Variants in CEP112 observed in about 807,000 individuals in gnomAD.
CEP112 encodes centrosomal protein of 112 kDa.
A neutral mutation model predicts 153.0 loss-of-function variants in CEP112; 127 were observed. That is an observed-to-expected ratio of 0.83 (90% CI 0.72 to 0.96). The LOEUF is 0.96. Ranked by LOEUF, CEP112 falls within the 40% of genes least tolerant of loss-of-function variation. The pLI is 0.00. For missense variants in CEP112, 1,089 were observed against 1,101.2 expected (o/e 0.99, Z 0.16); for synonymous variants, 358 against 374.4 (o/e 0.96, Z 0.51).
chr17:65,989,234 CAAA>C (rs749855250), intron 17 of CEP112, among the ~76,000 whole-genome samples: 3 of 40,794 alleles, frequency 7.4e-5, no homozygotes, highest in Non-Finnish European at 1.5e-4. Context: ...GACTCCATCT[CAAA>C]AAAAAAAAAA....
chr17:65,866,911 C>G (rs139554684), intron 20 of CEP112, among the ~76,000 whole-genome samples: 8 of 152,282 alleles, frequency 5.3e-5, no homozygotes, highest in African/African-American at 1.7e-4. Flanking sequence ...CTCATTCTTC[C>G]TGGACACAGG....
intron 20 of CEP112, chr17:65,873,664 G>A (rs2058735650): frequency 1.3e-5 from 2 of 152,190 alleles, no homozygotes; most frequent in Non-Finnish European, 1.5e-5. Context: ...AGAAATGCAT[G>A]TTGCCATGGA....
intron 11 of CEP112, among the ~76,000 whole-genome samples, chr17:66,057,449 A>C (rs549329402): frequency 1.3e-5 from 2 of 152,234 alleles, no homozygotes; most frequent in South Asian, 4.1e-4. Flanking sequence ...GGAAAAAGGA[A>C]ATACCCATTT....
At position 66,096,582 on chromosome 17, in the gene CEP112, T is replaced by G. The variant is rs572791561; in HGVS notation, c.690+3A>C. ...GAAAAAGTCCAATGGATTTCTCACA[T>G]ACCAGAGAAACTGGGATAGGCTTCT... On this transcript the variant is annotated splice_donor_region_variant and intron_variant, in intron 7 of 26. Transcript: ENST00000535342. The G allele has an allele frequency of 6.3e-7, 1 of 1,585,948 alleles. No homozygotes were observed. Among genetic ancestry groups the G allele is most frequent in the East Asian group, 2.2e-5 (1 of 44,640 alleles).
chr17:66,185,143 ACTAT>A (rs200932064), intron 1 of CEP112, among the ~76,000 whole-genome samples: 5,222 of 152,324 alleles, frequency 0.034, 133 homozygotes, highest in Middle Eastern at 0.061. Context: ...TTTTCTGTAC[ACTAT>A]CTATGTAGGA....
chr17:65,661,070 A>G (rs1339304943), intron 24 of CEP112, among the ~76,000 whole-genome samples: 1 of 152,174 alleles, frequency 6.6e-6, no homozygotes, highest in Non-Finnish European at 1.5e-5. Flanking sequence ...ATGGTCTTAG[A>G]CTAATTTTCC....
intron 21 of CEP112, among the ~76,000 whole-genome samples, chr17:65,772,540 C>T (rs1256185696): frequency 2.0e-5 from 3 of 151,500 alleles, no homozygotes; most frequent in African/African-American, 7.3e-5. Flanking sequence ...CAAAGTGACT[C>T]AAGAATTAGA....
chr17:66,120,675 T>A (rs1172953628), intron 6 of CEP112, among the ~76,000 whole-genome samples: 3 of 152,226 alleles, frequency 2.0e-5, no homozygotes, highest in Non-Finnish European at 4.4e-5. Flanking sequence ...TCTCTTATTA[T>A]ACTTTGAGTA....
intron 8 of CEP112, among the ~76,000 whole-genome samples, chr17:66,077,509 CA>C (rs1345040906): frequency 6.6e-6 from 1 of 151,958 alleles, no homozygotes; most frequent in African/African-American, 2.4e-5. Flanking sequence ...CCAACAAAGA[CA>C]AAGAAAAAAG....
rs191496459 is a variant in CEP112 at position 65,973,433 on chromosome 17, A to C, written c.1737-11835T>G. On this transcript the variant is annotated intron_variant, in intron 17 of 26. Coordinates refer to ENST00000535342, the MANE Select transcript of CEP112 (RefSeq NM_001199165.4). ...TATAAGAAAACAGTCAACCCAATTT[A>C]AAAATGGACTAAAGATTTGAACACT... 1.7e-3 allele frequency among the ~76,000 whole-genome samples: 252 copies of C among 152,368 alleles called. 3 individuals are homozygous for C. The Middle Eastern group carries it at 0.041, about 25-fold the overall frequency.
At chr17:65,812,879 T>A (rs1221978617) in intron 21 of CEP112, among the ~76,000 whole-genome samples, 1 of 152,208 alleles carries the variant, frequency 6.6e-6, no homozygotes, top group Non-Finnish European at 1.5e-5. Flanking sequence ...AGAGTTTATA[T>A]AGAATAAAAG....
chr17:66,155,034 C>A (rs1462710789), intron 4 of CEP112, among the ~76,000 whole-genome samples: 2 of 152,042 alleles, frequency 1.3e-5, no homozygotes, highest in Non-Finnish European at 2.9e-5. Context: ...TAGGATGATA[C>A]AACAAGAAGG....
At chr17:66,168,431 A>G (rs376872344) in intron 4 of CEP112, among the ~76,000 whole-genome samples, 3 of 148,258 alleles carry the variant, frequency 2.0e-5, no homozygotes, top group African/African-American at 5.0e-5. Context: ...GTGTATATAT[A>G]TGTATATATA....
intron 16 of CEP112, among the ~76,000 whole-genome samples, chr17:66,016,319 A>T (rs150462624): frequency 6.6e-6 from 1 of 152,044 alleles, no homozygotes; most frequent in Non-Finnish European, 1.5e-5. Context: ...ACCGTACACC[A>T]CTCAGACTTG....
At chr17:65,675,070 A>G (rs2144120015) in intron 24 of CEP112, among the ~76,000 whole-genome samples, 1 of 152,358 alleles carries the variant, frequency 6.6e-6, no homozygotes, top group South Asian at 2.1e-4. Context: ...AGTAGGTTAG[A>G]CACAGCTAAG....
At chr17:65,954,844 C>G (rs750225210) in intron 18 of CEP112, among the ~76,000 whole-genome samples, 1 of 152,068 alleles carries the variant, frequency 6.6e-6, no homozygotes, top group Non-Finnish European at 1.5e-5. Flanking sequence ...ATGAACAAAG[C>G]CTCCTAGAAG....
intron 18 of CEP112, among the ~76,000 whole-genome samples, chr17:65,958,540 T>C (rs146691983): frequency 6.2e-4 from 33 of 53,542 alleles, no homozygotes; most frequent in African/African-American, 1.7e-3. Context: ...CACTCCAATG[T>C]TGGAGCAAAG....
At chr17:66,066,227 T>C (rs779835521) in intron 10 of CEP112, among the ~76,000 whole-genome samples, 1 of 152,200 alleles carries the variant, frequency 6.6e-6, no homozygotes, top group Non-Finnish European at 1.5e-5. Flanking sequence ...CATCTGTCCA[T>C]AGTCAACTTA....
At chr17:65,927,978 A>T (rs1316089986) in intron 18 of CEP112, among the ~76,000 whole-genome samples, 1 of 152,208 alleles carries the variant, frequency 6.6e-6, no homozygotes, top group Admixed American at 6.5e-5. Context: ...ACAAAATTTA[A>T]TTAAGCCCTT....
Sources: allele counts gnomAD v4.1 joint callset (sites outside exome capture counted in the v4.1 genomes callset), GRCh38; gene constraint gnomAD v4.1.1; transcripts MANE v1.5; gene names NCBI Gene and HGNC (gene_info 2026-07-23, HGNC 2026-07-21).